The following ADAMTS16 variants were observed in gnomAD, a reference collection of about 807,000 sequenced individuals.
ADAMTS16 encodes A disintegrin and metalloproteinase with thrombospondin motifs 16.
A neutral mutation model predicts 145.8 loss-of-function variants in ADAMTS16; 94 were observed. The ratio of observed to expected loss-of-function variants is 0.64; its 90% CI spans 0.55 to 0.77. The LOEUF (loss-of-function observed/expected upper bound fraction) is 0.77. ADAMTS16 is among the 30% of genes least tolerant of loss of function. ADAMTS16 has a pLI of 0.00. For synonymous variants in ADAMTS16, 659 were observed against 604.3 expected, an observed-to-expected ratio of 1.09 and a Z score of -1.33; for missense variants, 1,585 against 1,591.5, an observed-to-expected ratio of 1.00 and a Z score of 0.07.
intron 10 of ADAMTS16, among the ~76,000 whole-genome samples, chr5:5,210,511 G>T (rs1398239351): frequency 1.3e-5 from 2 of 152,082 alleles, no homozygotes; most frequent in Non-Finnish European, 2.9e-5. Flanking sequence ...CGTTTTATTT[G>T]CATAAGCCAG....
chr5:5,231,832 G>T (rs1736932900), intron 11 of ADAMTS16, among the ~76,000 whole-genome samples: 1 of 152,208 alleles, frequency 6.6e-6, no homozygotes. Flanking sequence ...CACCCTGGAA[G>T]CTGCGTGACC....
intron 18 of ADAMTS16, among the ~76,000 whole-genome samples, chr5:5,276,354 G>A (rs1738695220): frequency 6.6e-6 from 1 of 152,008 alleles, no homozygotes; most frequent in Non-Finnish European, 1.5e-5. Context: ...TACTACTGCT[G>A]GAAGTGATAT....
chr5:5,262,801 C>T lies in ADAMTS16; in HGVS notation c.2789+18C>T. The stretch of plus-strand genomic sequence containing the variant: ...CCTCCCAGGTAAGAAGCATCGCGTT[C>T]ATCAAAGCAGGTTTCCCAGTTTGCA... On this transcript the variant is annotated intron_variant, in intron 18 of 22. Coordinates refer to ENST00000274181, the MANE Select transcript of ADAMTS16 (RefSeq NM_139056.4). 6.2e-7 allele frequency: 1 copy of T among 1,611,726 alleles called. No homozygotes were observed. Among genetic ancestry groups the T allele is most frequent in the African/African-American group, 1.3e-5 (1 of 74,896 alleles).
intron 17 of ADAMTS16, among the ~76,000 whole-genome samples, chr5:5,259,593 G>C (rs1737925633): frequency 1.3e-5 from 2 of 152,208 alleles, no homozygotes; most frequent in Admixed American, 6.5e-5. Context: ...AGAGGGGAAA[G>C]AGTAAGGTTA....
At position 5,307,388 on chromosome 5, in the gene ADAMTS16, G is replaced by T. The variant is rs560993032; in HGVS notation, c.3411+660G>T. Among the ~76,000 whole-genome samples, 8 of 152,302 alleles carry T rather than the reference G, an allele frequency of 5.3e-5. No homozygotes were observed. In the East Asian group the frequency reaches 1.4e-3, roughly 26 times the overall value. ...TCTGGTCTCCTTTTCCCATCTCTTGGCTGGGAGAGTGAGCCTCTTTCTAAT... is the reference window on the plus strand; with the variant it reads ...TCTGGTCTCCTTTTCCCATCTCTTGTCTGGGAGAGTGAGCCTCTTTCTAAT... On this transcript the variant is annotated intron_variant, in intron 21 of 22. Coordinates refer to ENST00000274181, the MANE Select transcript of ADAMTS16 (RefSeq NM_139056.4).
At chr5:5,206,924 A>T (rs1736142173) in intron 9 of ADAMTS16, among the ~76,000 whole-genome samples, 1 of 152,174 alleles carries the variant, frequency 6.6e-6, no homozygotes, top group Non-Finnish European at 1.5e-5. Flanking sequence ...GCCTTTCTAT[A>T]CTGTTCCACT....
chr5:5,231,129 T>C (rs1235696092), intron 11 of ADAMTS16, among the ~76,000 whole-genome samples: 2 of 152,164 alleles, frequency 1.3e-5, no homozygotes, highest in African/African-American at 4.8e-5. Context: ...AGGAGCCTAT[T>C]CCAGGCAATG....
chr5:5,143,505 A>G (rs1560921082), intron 2 of ADAMTS16, among the ~76,000 whole-genome samples: 1 of 152,234 alleles, frequency 6.6e-6, no homozygotes, highest in Non-Finnish European at 1.5e-5. Context: ...ATGTGGAGAA[A>G]TAGGAACACT....
At position 5,242,125 on chromosome 5, in the gene ADAMTS16, C is replaced by T; in HGVS notation, c.2596C>T (p.Pro866Ser). The T allele has an allele frequency of 6.2e-7, 1 of 1,614,144 alleles. No homozygotes were observed. Among genetic ancestry groups the T allele is most frequent in the Non-Finnish European group, 8.5e-7 (1 of 1,180,032 alleles). Residue 866 changes from proline (P) to serine (S), a missense_variant, in exon 17 of 23, where the codon CCC becomes TCC. This residue lies in a region of ADAMTS16 where 834 missense variants were observed against 811.7 expected (regional missense o/e 1.03). Transcript: ENST00000274181. ...SMPRLGTEKQPPAQPSYTWAI... is the reference protein window; with the variant it reads ...SMPRLGTEKQSPAQPSYTWAI... Reference sequence around the variant, plus strand: ...GCCTCGCTTGGGGACCGAGAAGCAGCCCCCTGCCCAGCCCAGCTACACTTG... The same window carrying T: ...GCCTCGCTTGGGGACCGAGAAGCAGTCCCCTGCCCAGCCCAGCTACACTTG...
chr5:5,298,378 T>C (rs539233388), intron 18 of ADAMTS16, among the ~76,000 whole-genome samples: 141 of 152,376 alleles, frequency 9.3e-4, no homozygotes, highest in Middle Eastern at 3.4e-3. Flanking sequence ...ATTTCAGAGC[T>C]GGACTTCTAC....
At chr5:5,293,073 G>A (rs1739395664) in intron 18 of ADAMTS16, among the ~76,000 whole-genome samples, 1 of 152,258 alleles carries the variant, frequency 6.6e-6, no homozygotes, top group Admixed American at 6.5e-5. Flanking sequence ...GGAGGACACA[G>A]AGATGGAGGG....
intron 21 of ADAMTS16, among the ~76,000 whole-genome samples, chr5:5,315,238 T>C (rs66605734): frequency 0.069 from 10,446 of 152,116 alleles, 505 homozygotes; most frequent in South Asian, 0.12. Context: ...AGCATGGGGG[T>C]AATTGCCCCC....
At chr5:5,151,302 A>G (rs1362320844) in intron 3 of ADAMTS16, among the ~76,000 whole-genome samples, 3 of 151,592 alleles carry the variant, frequency 2.0e-5, no homozygotes, top group African/African-American at 7.3e-5. Context: ...GCAATTGCAC[A>G]ATCTCAGCTC....
At chr5:5,163,021 G>T (rs1734783635) in intron 3 of ADAMTS16, among the ~76,000 whole-genome samples, 1 of 152,152 alleles carries the variant, frequency 6.6e-6, no homozygotes, top group South Asian at 2.1e-4. Flanking sequence ...TGCTCGTGGA[G>T]AATTTACAGG....
chr5:5,172,955 C>T (rs1033226205), intron 3 of ADAMTS16, among the ~76,000 whole-genome samples: 1 of 152,006 alleles, frequency 6.6e-6, no homozygotes, highest in Admixed American at 6.6e-5. Flanking sequence ...GTTGAACTGA[C>T]CCTCATCAAT....
chr5:5,258,372 G>A (rs1737870060), intron 17 of ADAMTS16, among the ~76,000 whole-genome samples: 1 of 152,232 alleles, frequency 6.6e-6, no homozygotes, highest in African/African-American at 2.4e-5. Flanking sequence ...TTCTCAAAGT[G>A]TAGTCCTTGG....
chr5:5,164,395 C>T (rs1274542926), intron 3 of ADAMTS16, among the ~76,000 whole-genome samples: 3 of 152,354 alleles, frequency 2.0e-5, no homozygotes, highest in African/African-American at 4.8e-5. Context: ...TGGCACATGA[C>T]GCCTTCCTGG....
At chr5:5,281,356 C>T (rs1327452870) in intron 18 of ADAMTS16, among the ~76,000 whole-genome samples, 7 of 151,990 alleles carry the variant, frequency 4.6e-5, no homozygotes, top group Non-Finnish European at 8.8e-5. Context: ...TTTAACACTT[C>T]GTTCCTTATA....
intron 9 of ADAMTS16, among the ~76,000 whole-genome samples, chr5:5,200,776 C>T (rs1735933190): frequency 6.6e-6 from 1 of 151,366 alleles, no homozygotes; most frequent in South Asian, 2.1e-4. Flanking sequence ...GGTGAAGAAA[C>T]TTGAGTATAT....
Sources: gnomAD v4.1 joint callset for allele counts (sites outside exome capture counted in the v4.1 genomes callset) on GRCh38, gnomAD v4.1.1 for gene constraint, gnomAD v4.1.1 regional missense constraint, MANE v1.5 for transcripts, NCBI Gene and HGNC (gene_info 2026-07-23, HGNC 2026-07-21) for gene names.